PTPRN2: variants seen among roughly 807,000 people sequenced by gnomAD.
PTPRN2 encodes protein tyrosine phosphatase receptor type N2.
PTPRN2 carries 74 observed loss-of-function variants against 118.8 expected under a neutral mutation model. The observed-to-expected ratio is 0.62, with a 90% confidence interval of 0.52 to 0.76. PTPRN2 has a LOEUF of 0.76. Among genes scored for constraint, PTPRN2 ranks in the 30% least tolerant of loss-of-function variants. PTPRN2 has a pLI of 0.00. For missense variants in PTPRN2, 1,481 were observed against 1,394.4 expected (o/e 1.06, Z -0.99); for synonymous variants, 641 against 608.0 (o/e 1.05, Z -0.80).
chr7:158,215,585 A>T (rs537219349), intron 3 of PTPRN2, among the ~76,000 whole-genome samples: 3 of 152,344 alleles, frequency 2.0e-5, no homozygotes, highest in African/African-American at 7.2e-5. Context: ...TAAGTTTCTG[A>T]AAACTTACAA....
At chr7:157,793,499 T>A (rs1240475431) in intron 12 of PTPRN2, among the ~76,000 whole-genome samples, 1 of 149,178 alleles carries the variant, frequency 6.7e-6, no homozygotes, top group African/African-American at 2.5e-5. Context: ...CCAGGGCCCG[T>A]GGCTTCACCC....
chr7:157,933,843 T>C (rs34714904), intron 11 of PTPRN2, among the ~76,000 whole-genome samples: 9 of 81,580 alleles, frequency 1.1e-4, no homozygotes, highest in South Asian at 3.6e-4. Context: ...TGATTGACAG[T>C]TTTAGAGGAA....
chr7:158,003,180 C>G lies in PTPRN2; in HGVS notation c.1723+78118G>C, dbSNP rs1226974117. 6.6e-6 allele frequency among the ~76,000 whole-genome samples: 1 copy of G among 151,744 alleles called. No individual in the cohort carries two copies. The highest frequency in any genetic ancestry group is 1.5e-5 in the Non-Finnish European group (1 of 67,952). Reference sequence around the variant, plus strand: ...CTGTAATCCCAGCACTTTGGGAGGCCGAGACGGGCGGATCACGAGGTCAGG... The same window carrying G: ...CTGTAATCCCAGCACTTTGGGAGGCGGAGACGGGCGGATCACGAGGTCAGG... On this transcript the variant is annotated intron_variant, in intron 11 of 22. Transcript: ENST00000389418. The surrounding 1 kb of genome is among the most constrained non-coding windows in gnomAD (Gnocchi z 5.0).
chr7:157,614,313 C>T (rs1187774880), intron 15 of PTPRN2, among the ~76,000 whole-genome samples: 1 of 151,958 alleles, frequency 6.6e-6, no homozygotes, highest in Admixed American at 6.6e-5. Flanking sequence ...TGGAAGGGGG[C>T]AGGTGAGCTT....
chr7:157,713,484 T>TAA (rs113336542), intron 12 of PTPRN2, among the ~76,000 whole-genome samples: 1 of 148,508 alleles, frequency 6.7e-6, no homozygotes, highest in African/African-American at 2.5e-5. Flanking sequence ...GGATACTTTG[T>TAA]AAAAAAAAAA....
intron 2 of PTPRN2, among the ~76,000 whole-genome samples, chr7:158,465,535 T>A (rs2129443685): frequency 6.6e-6 from 1 of 152,366 alleles, no homozygotes; most frequent in South Asian, 2.1e-4. Flanking sequence ...TACTAAATAT[T>A]TTATTTGCAG....
chr7:157,595,961 A>T (rs1585082444), intron 16 of PTPRN2, among the ~76,000 whole-genome samples: 1 of 151,978 alleles, frequency 6.6e-6, no homozygotes, highest in South Asian at 2.1e-4. Flanking sequence ...AGCAGGTGCG[A>T]CCCCATGACA....
intron 3 of PTPRN2, among the ~76,000 whole-genome samples, chr7:158,228,089 A>G (rs193217722): frequency 6.6e-6 from 1 of 152,350 alleles, no homozygotes; most frequent in East Asian, 1.9e-4. Context: ...ATTGTTGGTG[A>G]TATTTTATGT....
intron 2 of PTPRN2, among the ~76,000 whole-genome samples, chr7:158,336,479 A>G (rs1487590142): frequency 1.1e-4 from 14 of 132,020 alleles, no homozygotes; most frequent in Admixed American, 2.3e-4. Context: ...TCTCACCATA[A>G]GAGCTGACGC....
Position 158,566,078 on chromosome 7 carries a change from C to T in PTPRN2, c.112+21480G>A, listed in dbSNP as rs550690110. On this transcript the variant is annotated intron_variant, in intron 1 of 22. Transcript: ENST00000389418. ...TCAGAAGTGGCCAAGCTTGGCCGGG[C>T]GCAGTGGCTAACACCTATAATCCCA... Among the ~76,000 whole-genome samples the T allele has an allele frequency of 4.5e-4, 69 of 152,060 alleles. No homozygotes were observed. In the South Asian group the frequency reaches 0.014, roughly 30 times the overall value.
Position 157,719,705 on chromosome 7 carries a change from C to T in PTPRN2, c.1789-36768G>A, listed in dbSNP as rs79687270. The stretch of plus-strand genomic sequence containing the variant: ...ATGCCGGGGGAGTGGGCTCGGCCCG[C>T]GGGACAAGGCTGAAAGAGCTCCCCA... On this transcript the variant is annotated intron_variant, in intron 12 of 22. Transcript: ENST00000389418. Among the ~76,000 whole-genome samples the T allele has an allele frequency of 2.1e-3, 316 of 152,322 alleles. 1 individual carries two copies. The highest frequency in any genetic ancestry group is 0.013 in the South Asian group (62 of 4,814).
intron 12 of PTPRN2, among the ~76,000 whole-genome samples, chr7:157,800,690 G>T (rs962910772): frequency 1.3e-5 from 2 of 151,918 alleles, no homozygotes; most frequent in Non-Finnish European, 2.9e-5. Context: ...CGGTGGCTCA[G>T]GCCTGTAATC....
chr7:157,745,357 C>T (rs556031168), intron 12 of PTPRN2, among the ~76,000 whole-genome samples: 1 of 151,844 alleles, frequency 6.6e-6, no homozygotes, highest in South Asian at 2.1e-4. Context: ...TTGCTCCAGA[C>T]GAACGCAAGG....
At chr7:158,273,919 C>T (rs1314588186) in intron 3 of PTPRN2, among the ~76,000 whole-genome samples, 3 of 137,148 alleles carry the variant, frequency 2.2e-5, no homozygotes, top group Non-Finnish European at 3.1e-5. Flanking sequence ...CGGGAGGAGC[C>T]GCAGACACAG....
At chr7:158,269,171 C>T (rs1416216351) in intron 3 of PTPRN2, among the ~76,000 whole-genome samples, 1 of 152,132 alleles carries the variant, frequency 6.6e-6, no homozygotes, top group Non-Finnish European at 1.5e-5. Flanking sequence ...AGGGAAAATG[C>T]CCCAAAGGGG....
At chr7:157,737,805 G>A (rs1283114401) in intron 12 of PTPRN2, among the ~76,000 whole-genome samples, 1 of 152,256 alleles carries the variant, frequency 6.6e-6, no homozygotes, top group Non-Finnish European at 1.5e-5. Context: ...GTCTGGAAGA[G>A]CCTGACTAGG....
At chr7:158,276,310 GACA>G (rs1798979020) in intron 3 of PTPRN2, among the ~76,000 whole-genome samples, 1 of 18,496 alleles carries the variant, frequency 5.4e-5, no homozygotes, top group East Asian at 1.7e-3. Flanking sequence ...CCCCGGCCCC[GACA>G]GGCTGTAATG....
intron 11 of PTPRN2, among the ~76,000 whole-genome samples, chr7:157,969,741 T>C (rs2128816259): frequency 6.6e-6 from 1 of 151,800 alleles, no homozygotes; most frequent in African/African-American, 2.4e-5. Context: ...GGGCTGTGCA[T>C]GGTGGAGAAA....
chr7:158,126,629 CGGGCGGCGG>C (rs1817703225), intron 9 of PTPRN2, among the ~76,000 whole-genome samples: 1 of 120,046 alleles, frequency 8.3e-6, no homozygotes, highest in Non-Finnish European at 1.7e-5. Flanking sequence ...CCCCGGAGAG[CGGGCGGCGG>C]AACTTCCTCT....
Sources: allele counts gnomAD v4.1 joint callset (sites outside exome capture counted in the v4.1 genomes callset), GRCh38; gene constraint gnomAD v4.1.1; non-coding constraint Gnocchi (gnomAD v3.1); transcripts MANE v1.5; gene names NCBI Gene and HGNC (gene_info 2026-07-23, HGNC 2026-07-21).